The following FAM171B variants were observed in gnomAD, a reference collection of about 807,000 sequenced individuals.
FAM171B encodes family with sequence similarity 171 member B.
Under a neutral mutation model 75.6 loss-of-function variants are expected in FAM171B, and 19 were observed. The observed-to-expected ratio is 0.25, with a 90% CI of 0.18 to 0.37. The LOEUF (loss-of-function observed/expected upper bound fraction) is 0.37, where lower values mean the gene tolerates loss of function less well. Among genes scored for constraint, FAM171B ranks in the 10% least tolerant of loss-of-function variants. FAM171B has a pLI of 1.00. For synonymous variants in FAM171B, 367 were observed against 361.7 expected, an observed-to-expected ratio of 1.01 and a Z score of -0.17; for missense variants, 848 against 982.4, an observed-to-expected ratio of 0.86 and a Z score of 1.83.
intron 1 of FAM171B, among the ~76,000 whole-genome samples, chr2:186,717,543 C>A (rs1689891028): frequency 6.6e-6 from 1 of 152,176 alleles, no homozygotes; most frequent in African/African-American, 2.4e-5. Context: ...GTAATGGATG[C>A]TTCTGATCAG....
intron 1 of FAM171B, among the ~76,000 whole-genome samples, chr2:186,734,610 G>A (rs1003470686): frequency 6.6e-6 from 1 of 152,132 alleles, no homozygotes; most frequent in Non-Finnish European, 1.5e-5. Context: ...GGCTTCAGAT[G>A]GGCGGAAGTA....
At chr2:186,726,251 T>G (rs1017817250) in intron 1 of FAM171B, among the ~76,000 whole-genome samples, 1 of 152,236 alleles carries the variant, frequency 6.6e-6, no homozygotes, top group Non-Finnish European at 1.5e-5. Context: ...CAAGTAAATT[T>G]GTTTTTTATT....
chr2:186,743,401 C>A, intron 2 of FAM171B, 82 bp from the exon 3 acceptor site: 1 of 888,332 alleles, frequency 1.1e-6, no homozygotes, highest in South Asian at 1.6e-5. Flanking sequence ...CTTTTTGAGA[C>A]TTGCTGTTAC....
At chr2:186,700,611 AC>A (rs1480505674) in intron 1 of FAM171B, among the ~76,000 whole-genome samples, 1 of 152,208 alleles carries the variant, frequency 6.6e-6, no homozygotes, top group East Asian at 1.9e-4. Flanking sequence ...TGTATGAATT[AC>A]CACAGATCAG....
intron 1 of FAM171B, among the ~76,000 whole-genome samples, chr2:186,714,473 AG>A (rs1438962399): frequency 6.6e-6 from 1 of 152,250 alleles, no homozygotes; most frequent in African/African-American, 2.4e-5. Context: ...GTCTACAAGC[AG>A]GAAGCAGAAG....
At chr2:186,698,992 G>A (rs1689618521) in intron 1 of FAM171B, among the ~76,000 whole-genome samples, 1 of 152,144 alleles carries the variant, frequency 6.6e-6, no homozygotes, top group South Asian at 2.1e-4. Flanking sequence ...GTACTCCATT[G>A]TGTATATGTA....
At chr2:186,725,992 G>C (rs1690026914) in intron 1 of FAM171B, among the ~76,000 whole-genome samples, 1 of 152,206 alleles carries the variant, frequency 6.6e-6, no homozygotes, top group African/African-American at 2.4e-5. Context: ...TAATGGCTCA[G>C]CTCTCTCATT....
At chr2:186,735,261 G>A (rs2105783873) in intron 1 of FAM171B, among the ~76,000 whole-genome samples, 1 of 152,304 alleles carries the variant, frequency 6.6e-6, no homozygotes, top group East Asian at 1.9e-4. Flanking sequence ...GCTTTCTGCT[G>A]ATTGGTTGGG....
chr2:186,757,908 AG>A (rs1466119706), intron 6 of FAM171B, among the ~76,000 whole-genome samples: 4 of 152,326 alleles, frequency 2.6e-5, no homozygotes, highest in Admixed American at 6.5e-5. Flanking sequence ...ATTTATGCCT[AG>A]TTATAATCAA....
At chr2:186,734,175 G>T (rs757357822) in intron 1 of FAM171B, among the ~76,000 whole-genome samples, 1 of 152,132 alleles carries the variant, frequency 6.6e-6, no homozygotes, top group African/African-American at 2.4e-5. Context: ...ATGATACCCC[G>T]AAGTGGGTAG....
intron 1 of FAM171B, among the ~76,000 whole-genome samples, chr2:186,738,707 T>C (rs1416527971): frequency 2.0e-5 from 3 of 152,190 alleles, no homozygotes; most frequent in African/African-American, 7.2e-5. Context: ...CCTGTTGCTA[T>C]TGATAGCATT....
intron 1 of FAM171B, among the ~76,000 whole-genome samples, chr2:186,703,898 AT>A (rs768064262): frequency 2.6e-5 from 4 of 152,176 alleles, no homozygotes; most frequent in Admixed American, 6.5e-5. Flanking sequence ...AGGGGAAAAA[AT>A]ATCACCAAAA....
intron 1 of FAM171B, among the ~76,000 whole-genome samples, chr2:186,708,534 T>C (rs1689765472): frequency 6.6e-6 from 1 of 152,146 alleles, no homozygotes; most frequent in Non-Finnish European, 1.5e-5. Flanking sequence ...TGTGTATAGC[T>C]ACTGTGGAAA....
At chr2:186,718,882 T>C (rs959629873) in intron 1 of FAM171B, among the ~76,000 whole-genome samples, 2 of 152,228 alleles carry the variant, frequency 1.3e-5, no homozygotes, top group African/African-American at 4.8e-5. Context: ...CTTTAAGATA[T>C]TTCAATTTAA....
At chr2:186,747,336 TATA>T in intron 4 of FAM171B, 86 bp downstream of exon 4, 1 of 835,410 alleles carries the variant, frequency 1.2e-6, no homozygotes, top group Non-Finnish European at 1.7e-6. Context: ...TATAATAGCT[TATA>T]ATATATAAGC....
At chr2:186,735,095 A>G (rs956665316) in intron 1 of FAM171B, among the ~76,000 whole-genome samples, 2 of 152,142 alleles carry the variant, frequency 1.3e-5, no homozygotes, top group Non-Finnish European at 2.9e-5. Context: ...CCAACTCGGT[A>G]GGGGCAGGGC....
chr2:186,698,345 A>G (rs888495366), intron 1 of FAM171B, among the ~76,000 whole-genome samples: 57 of 152,266 alleles, frequency 3.7e-4, no homozygotes, highest in African/African-American at 1.3e-3. Flanking sequence ...TTTCAGTGAT[A>G]TCTATTTTTA....
intron 1 of FAM171B, among the ~76,000 whole-genome samples, chr2:186,719,759 G>A (rs1689925479): frequency 6.6e-6 from 1 of 152,172 alleles, no homozygotes; most frequent in Admixed American, 6.5e-5. Flanking sequence ...AAGCATTTTA[G>A]CAATGCACAT....
intron 1 of FAM171B, among the ~76,000 whole-genome samples, chr2:186,725,627 C>T (rs184963111): frequency 6.6e-5 from 10 of 152,328 alleles, no homozygotes; most frequent in Admixed American, 3.3e-4. Flanking sequence ...GGAGCGCTCT[C>T]ACATTAGTCT....
Sources: gnomAD v4.1 joint callset for allele counts (sites outside exome capture counted in the v4.1 genomes callset) on GRCh38, gnomAD v4.1.1 for gene constraint, MANE v1.5 for transcripts, NCBI Gene and HGNC (gene_info 2026-07-23, HGNC 2026-07-21) for gene names.